ARHGEF4: variants seen among roughly 807,000 people sequenced by gnomAD.
ARHGEF4 encodes Rho guanine nucleotide exchange factor 4.
A neutral mutation model predicts 162.0 loss-of-function variants in ARHGEF4; 119 were observed. That is an observed-to-expected ratio of 0.73 (90% CI 0.63 to 0.86). The LOEUF (loss-of-function observed/expected upper bound fraction) is 0.86. Among genes scored for constraint, ARHGEF4 ranks in the 40% least tolerant of loss-of-function variants. The pLI is 0.00. For synonymous variants in ARHGEF4, 1,014 were observed against 979.9 expected, an observed-to-expected ratio of 1.03 and a Z score of -0.65; for missense variants, 2,488 against 2,456.0, an observed-to-expected ratio of 1.01 and a Z score of -0.28.
intron 4 of ARHGEF4, among the ~76,000 whole-genome samples, chr2:130,996,462 C>T (rs921696490): frequency 6.6e-6 from 1 of 152,174 alleles, no homozygotes; most frequent in Non-Finnish European, 1.5e-5. Flanking sequence ...ATTTTTAAGA[C>T]CTCTGTTGCT....
In ARHGEF4 at chr2:130,852,828, T is replaced by C. The variant is rs538703110; in HGVS notation, c.39+15836T>C. Reference sequence around the variant, plus strand: ...CAGCACGCACAGGAGGCACCACTCCTCAGGGTTGTGCTCTGTGAGCCCAGA... The same window carrying C: ...CAGCACGCACAGGAGGCACCACTCCCCAGGGTTGTGCTCTGTGAGCCCAGA... On this transcript the variant is annotated intron_variant, in intron 1 of 13. Coordinates refer to ENST00000409359, the MANE Select transcript of ARHGEF4 (RefSeq NM_001367493.1). 5.9e-5 allele frequency among the ~76,000 whole-genome samples: 9 copies of C among 152,260 alleles called. No homozygotes were observed. The East Asian group carries it at 1.7e-3, about 29-fold the overall frequency.
At chr2:130,928,729 T>G (rs1682454242) in intron 2 of ARHGEF4, among the ~76,000 whole-genome samples, 1 of 152,210 alleles carries the variant, frequency 6.6e-6, no homozygotes, top group East Asian at 1.9e-4. Context: ...CCAGATTTTC[T>G]TGAACTTTCT....
chr2:130,966,355 A>G (rs1407074435), intron 4 of ARHGEF4, among the ~76,000 whole-genome samples: 1 of 152,156 alleles, frequency 6.6e-6, no homozygotes, highest in East Asian at 1.9e-4. Flanking sequence ...GGAACTAGCT[A>G]TTTCCTGTCC....
intron 4 of ARHGEF4, among the ~76,000 whole-genome samples, chr2:130,978,076 A>G (rs1558797950): frequency 6.6e-6 from 1 of 152,206 alleles, no homozygotes; most frequent in Non-Finnish European, 1.5e-5. Flanking sequence ...CCCTTTTCTG[A>G]GGAAGGAACT....
At position 130,838,070 on chromosome 2, in the gene ARHGEF4, G is replaced by A. The variant is rs531743604; in HGVS notation, c.39+1078G>A. On this transcript the variant is annotated intron_variant, in intron 1 of 13. Transcript: ENST00000409359. ...CCCCAGCGATAACGAAGTGATCGCT[G>A]GCATCAAGAGTGGAGAGGGCCGGAC... is the stretch of plus-strand genomic sequence containing the variant. Among the ~76,000 whole-genome samples, 297 of 152,360 alleles carry A rather than the reference G, an allele frequency of 1.9e-3. 1 individual carries two copies. The highest frequency in any genetic ancestry group is 6.9e-3 in the African/African-American group (289 of 41,588).
intron 1 of ARHGEF4, among the ~76,000 whole-genome samples, chr2:130,874,073 T>G (rs140539253): frequency 6.7e-6 from 1 of 149,636 alleles, no homozygotes; most frequent in Admixed American, 6.6e-5. Context: ...CTTTCACTAA[T>G]TAAAAGAAGT....
In ARHGEF4 at chr2:130,843,070, C is replaced by T. The variant is rs924913147; in HGVS notation, c.39+6078C>T. 3.3e-5 allele frequency among the ~76,000 whole-genome samples: 5 copies of T among 152,134 alleles called. No homozygotes were observed. The South Asian group carries it at 8.3e-4, about 25-fold the overall frequency. ...TTAGCTGAGCTGCCAGAGGGTGGGA[C>T]GAGAGGATATCTGCCTCCTTTCTAT... On this transcript the variant is annotated intron_variant, in intron 1 of 13. Coordinates refer to ENST00000409359, the MANE Select transcript of ARHGEF4 (RefSeq NM_001367493.1).
At chr2:130,864,632 G>A (rs147829696) in intron 1 of ARHGEF4, among the ~76,000 whole-genome samples, 128 of 152,206 alleles carry the variant, frequency 8.4e-4, no homozygotes, top group South Asian at 7.5e-3. Flanking sequence ...ACTGAGGCAG[G>A]ACAATTGCTG....
intron 3 of ARHGEF4, among the ~76,000 whole-genome samples, chr2:130,942,490 TA>T (rs1219700416): frequency 6.6e-6 from 1 of 152,154 alleles, no homozygotes; most frequent in Non-Finnish European, 1.5e-5. Context: ...CAGATATACA[TA>T]AATCATATTT....
At chr2:130,847,062 CG>C in intron 1 of ARHGEF4, among the ~76,000 whole-genome samples, 1 of 152,248 alleles carries the variant, frequency 6.6e-6, no homozygotes, top group African/African-American at 2.4e-5. Context: ...CTGATGTGCG[CG>C]GGCTAAGAGC....
At chr2:130,920,670 G>A (rs1191583567) in intron 2 of ARHGEF4, among the ~76,000 whole-genome samples, 1 of 152,160 alleles carries the variant, frequency 6.6e-6, no homozygotes, top group Non-Finnish European at 1.5e-5. Context: ...TAATTTGCAA[G>A]GAATTCAGTC....
chr2:130,911,798 C>T (rs1161338032), intron 1 of ARHGEF4, among the ~76,000 whole-genome samples: 1 of 152,244 alleles, frequency 6.6e-6, no homozygotes, highest in Non-Finnish European at 1.5e-5. Context: ...CAGCCCCTGC[C>T]TCACAGGTAG....
chr2:130,957,066 A>AT (rs1684329337), intron 4 of ARHGEF4, among the ~76,000 whole-genome samples: 1 of 152,128 alleles, frequency 6.6e-6, no homozygotes, highest in African/African-American at 2.4e-5. Flanking sequence ...CTTTTCAGGG[A>AT]TTACAGGCTC....
chr2:130,968,521 C>G (rs893341583), intron 4 of ARHGEF4, among the ~76,000 whole-genome samples: 1 of 152,212 alleles, frequency 6.6e-6, no homozygotes, highest in South Asian at 2.1e-4. Flanking sequence ...GTTCTGGGTA[C>G]TGCATTGGAT....
Position 130,916,558 on chromosome 2 carries a change from C to A in ARHGEF4, c.2612C>A (p.Pro871Gln). The change falls in exon 2 of 14, where the codon CCG becomes CAG. Residue 871 changes from proline to glutamine, a missense_variant. Pro to Gln is a moderately conservative substitution (Grantham distance 76, BLOSUM62 -1). Coordinates refer to ENST00000409359, the MANE Select transcript of ARHGEF4 (RefSeq NM_001367493.1). ...PQAAGDRTAG[P>Q]AGAGHTGTSG... ...GCTGCAGGCGACAGGACTGCAGGGC[C>A]GGCAGGAGCGGGGCACACGGGGACC... The A allele has an allele frequency of 6.5e-7, 1 of 1,550,242 alleles. No homozygotes were observed. The highest frequency in any genetic ancestry group is 8.7e-7 in the Non-Finnish European group (1 of 1,146,898).
chr2:130,982,859 G>C (rs1420848503), intron 4 of ARHGEF4, among the ~76,000 whole-genome samples: 1 of 152,066 alleles, frequency 6.6e-6, no homozygotes, highest in Admixed American at 6.6e-5. Context: ...CAAAATTACT[G>C]TTTTTCTAAT....
chr2:130,942,298 C>T (rs941893663), intron 3 of ARHGEF4, among the ~76,000 whole-genome samples: 7 of 151,616 alleles, frequency 4.6e-5, no homozygotes, highest in Admixed American at 1.3e-4. Flanking sequence ...TACAGGAACC[C>T]GCCACCACGC....
intron 1 of ARHGEF4, among the ~76,000 whole-genome samples, chr2:130,884,995 T>C (rs1347520310): frequency 6.6e-6 from 1 of 152,166 alleles, no homozygotes; most frequent in Admixed American, 6.5e-5. Context: ...GGTACCATAT[T>C]TGAAAGTACG....
intron 1 of ARHGEF4, among the ~76,000 whole-genome samples, chr2:130,857,171 G>GCCAC (rs1434295353): frequency 6.6e-6 from 1 of 152,172 alleles, no homozygotes; most frequent in Non-Finnish European, 1.5e-5. Context: ...GGCGAAGCTT[G>GCCAC]CGGTGAGCCG....
Sources: gnomAD v4.1 joint callset for allele counts (sites outside exome capture counted in the v4.1 genomes callset) on GRCh38, gnomAD v4.1.1 for gene constraint, MANE v1.5 for transcripts, NCBI Gene and HGNC (gene_info 2026-07-23, HGNC 2026-07-21) for gene names.